CCSER1: variants seen among roughly 807,000 people sequenced by gnomAD.
The protein encoded by CCSER1 is serine-rich coiled-coil domain-containing protein 1.
A neutral mutation model predicts 82.0 loss-of-function variants in CCSER1; 41 were observed. The observed-to-expected ratio is 0.50, with a 90% CI of 0.39 to 0.65. The LOEUF (loss-of-function observed/expected upper bound fraction) is 0.65. Among genes scored for constraint, CCSER1 ranks in the 30% least tolerant of loss-of-function variants. The pLI is 0.00. For missense variants in CCSER1, 1,119 were observed against 1,064.2 expected, an observed-to-expected ratio of 1.05 and a Z score of -0.72; for synonymous variants, 414 against 383.9, an observed-to-expected ratio of 1.08 and a Z score of -0.92.
intron 10 of CCSER1, among the ~76,000 whole-genome samples, chr4:91,206,818 A>C (rs573168491): frequency 6.6e-6 from 1 of 151,986 alleles, no homozygotes; most frequent in East Asian, 1.9e-4. Flanking sequence ...TACTCTGCAT[A>C]TACCTTGAGA....
At chr4:90,327,481 T>C (rs1353200047) in intron 3 of CCSER1, among the ~76,000 whole-genome samples, 1 of 152,150 alleles carries the variant, frequency 6.6e-6, no homozygotes, top group East Asian at 1.9e-4. Flanking sequence ...AAGAAACAAA[T>C]AAAAAATAAT....
chr4:90,572,779 T>C (rs1254510725), intron 5 of CCSER1, among the ~76,000 whole-genome samples: 3 of 152,228 alleles, frequency 2.0e-5, no homozygotes, highest in African/African-American at 7.2e-5. Context: ...TCCTCTGAGC[T>C]TTCTTAAAAC....
chr4:90,763,606 C>T (rs1750741385), intron 7 of CCSER1, among the ~76,000 whole-genome samples: 1 of 152,136 alleles, frequency 6.6e-6, no homozygotes, highest in African/African-American at 2.4e-5. Flanking sequence ...TCACAGAGCA[C>T]ATCAACCATT....
chr4:91,320,565 G>C (rs1746127945), intron 10 of CCSER1, among the ~76,000 whole-genome samples: 1 of 151,986 alleles, frequency 6.6e-6, no homozygotes, highest in South Asian at 2.1e-4. Context: ...TCTTAAACTT[G>C]AGTAAGAAGA....
chr4:90,962,637 A>G (rs190897762), intron 9 of CCSER1, among the ~76,000 whole-genome samples: 3 of 152,240 alleles, frequency 2.0e-5, no homozygotes, highest in Admixed American at 6.5e-5. Context: ...GTAAAAAATC[A>G]TTTGAAATGT....
intron 10 of CCSER1, among the ~76,000 whole-genome samples, chr4:91,302,669 C>G (rs967063015): frequency 1.3e-5 from 2 of 151,940 alleles, no homozygotes; most frequent in African/African-American, 4.8e-5. Flanking sequence ...TCTAGTGTGG[C>G]CTTTATTACT....
chr4:91,048,499 T>C (rs1292040333), intron 9 of CCSER1, among the ~76,000 whole-genome samples: 3 of 152,086 alleles, frequency 2.0e-5, no homozygotes, highest in Admixed American at 6.6e-5. Context: ...ACTTCAAATA[T>C]GGTAATTGCA....
chr4:90,764,580 G>A (rs891783967), intron 7 of CCSER1, among the ~76,000 whole-genome samples: 2 of 152,042 alleles, frequency 1.3e-5, no homozygotes, highest in Admixed American at 1.3e-4. Flanking sequence ...AAGAAGAGCA[G>A]AATATCAGTC....
At chr4:91,571,898 G>GCCT (rs1763203035) in intron 10 of CCSER1, among the ~76,000 whole-genome samples, 1 of 152,240 alleles carries the variant, frequency 6.6e-6, no homozygotes, top group African/African-American at 2.4e-5. Context: ...ATATGGACTG[G>GCCT]CCTCCTCTCC....
chr4:91,236,777 T>A (rs1440428583), intron 10 of CCSER1, among the ~76,000 whole-genome samples: 1 of 152,104 alleles, frequency 6.6e-6, no homozygotes, highest in Non-Finnish European at 1.5e-5. Context: ...GATATAGAAG[T>A]TCAAAGAATA....
chr4:91,567,485 G>A (rs531022887), intron 10 of CCSER1, among the ~76,000 whole-genome samples: 178 of 152,246 alleles, frequency 1.2e-3, no homozygotes, highest in African/African-American at 4.0e-3. Context: ...AAGTGCTGAA[G>A]TCTCCCACTA....
rs541532882 is a variant in CCSER1 at position 91,178,008 on chromosome 4, G to T, written c.2217+92014G>T. Reference sequence around the variant, plus strand: ...TGTGTCCCAGAGATTCTGGTATGTTGTGTCTTTGTTCTCATTGGTTTCAAA... The same window carrying T: ...TGTGTCCCAGAGATTCTGGTATGTTTTGTCTTTGTTCTCATTGGTTTCAAA... On this transcript the variant is annotated intron_variant, in intron 10 of 10. Transcript: ENST00000509176. Among the ~76,000 whole-genome samples, 67 of 152,228 alleles carry T rather than the reference G, an allele frequency of 4.4e-4. 1 individual carries two copies. The highest frequency in any genetic ancestry group is 3.4e-3 in the Middle Eastern group (1 of 292).
intron 6 of CCSER1, among the ~76,000 whole-genome samples, chr4:90,720,517 A>T (rs1234647524): frequency 1.3e-5 from 2 of 152,048 alleles, no homozygotes; most frequent in South Asian, 2.1e-4. Flanking sequence ...TTAAATTTTA[A>T]ATTTTATATT....
chr4:90,869,078 TA>T (rs1253488007), intron 8 of CCSER1, among the ~76,000 whole-genome samples: 1 of 152,102 alleles, frequency 6.6e-6, no homozygotes. Context: ...TAGAGTAGTT[TA>T]AGCTTCTTAT....
chr4:91,158,514 T>A (rs1731047392), intron 10 of CCSER1, among the ~76,000 whole-genome samples: 1 of 152,026 alleles, frequency 6.6e-6, no homozygotes, highest in South Asian at 2.1e-4. Context: ...ATATCCTCTC[T>A]ACTGTATGGC....
rs552793237 is a variant in CCSER1 at position 91,466,840 on chromosome 4, C to A, written c.2218-131732C>A. Among the ~76,000 whole-genome samples, 941 of 152,176 alleles carry A rather than the reference C, an allele frequency of 6.2e-3. 7 individuals carry two copies. Among genetic ancestry groups the A allele is most frequent in the Non-Finnish European group, 0.01 (695 of 68,008 alleles). ...TCAAGGAGAACTACAAACCACTGCT[C>A]AAGGAAATAAAAGAGGACACAAACA... On this transcript the variant is annotated intron_variant, in intron 10 of 10. Coordinates refer to ENST00000509176, the MANE Select transcript of CCSER1 (RefSeq NM_001145065.2).
intron 10 of CCSER1, among the ~76,000 whole-genome samples, chr4:91,189,085 G>T (rs1163722033): frequency 6.6e-6 from 1 of 152,046 alleles, no homozygotes; most frequent in African/African-American, 2.4e-5. Flanking sequence ...AGACTTATAG[G>T]TAGGGTTTCT....
rs191407452 is a variant in CCSER1 at position 91,117,056 on chromosome 4, A to G, written c.2217+31062A>G. ...AACCTCCATGCAGGTTTTGAGCCAT[A>G]AAGAAGGCACCACCTAATGGCAGAA... On this transcript the variant is annotated intron_variant, in intron 10 of 10. Transcript: ENST00000509176. 1.4e-4 allele frequency among the ~76,000 whole-genome samples: 21 copies of G among 152,338 alleles called. No individual in the cohort carries two copies. In the East Asian group the frequency reaches 3.9e-3, roughly 28 times the overall value.
intron 10 of CCSER1, among the ~76,000 whole-genome samples, chr4:91,149,604 C>T (rs574990349): frequency 3.3e-5 from 5 of 151,992 alleles, no homozygotes; most frequent in East Asian, 1.9e-4. Context: ...GAGTTTTTAT[C>T]GTTTTAGGTC....
Sources: gnomAD v4.1 joint callset for allele counts (sites outside exome capture counted in the v4.1 genomes callset) on GRCh38, gnomAD v4.1.1 for gene constraint, MANE v1.5 for transcripts, NCBI Gene and HGNC (gene_info 2026-07-23, HGNC 2026-07-21) for gene names.